Variants in COMMD10 observed in about 807,000 individuals in gnomAD.
COMMD10 encodes the protein COMM domain-containing protein 10.
A neutral mutation model predicts 28.9 loss-of-function variants in COMMD10; 33 were observed. The observed-to-expected ratio is 1.14, with a 90% CI of 0.87 to 1.53. The LOEUF (loss-of-function observed/expected upper bound fraction) is 1.53. Among genes scored for constraint, COMMD10 ranks in the 40% most tolerant of loss-of-function variants. The pLI, the probability that COMMD10 is intolerant of heterozygous loss-of-function variation, is 0.00. For synonymous variants in COMMD10, 110 were observed against 81.7 expected (o/e 1.35, Z -1.87); for missense variants, 310 against 233.4 (o/e 1.33, Z -2.14).
chr5:116,220,814 T>A (rs767780054), intron 5 of COMMD10, among the ~76,000 whole-genome samples: 1 of 152,140 alleles, frequency 6.6e-6, no homozygotes, highest in Non-Finnish European at 1.5e-5. Context: ...AAAAAATTAT[T>A]TTAAAGGGAC....
At chr5:116,134,230 A>C in intron 5 of COMMD10, 52 bp downstream of exon 5, 1 of 1,027,318 alleles carries the variant, frequency 9.7e-7, no homozygotes. Flanking sequence ...TAGGACTTAA[A>C]CTTTTTATTC....
chr5:116,094,412 A>T (rs1042441775), intron 4 of COMMD10, among the ~76,000 whole-genome samples: 2 of 152,246 alleles, frequency 1.3e-5, no homozygotes, highest in African/African-American at 4.8e-5. Flanking sequence ...AGGTATATGA[A>T]AAAATGCTTA....
At chr5:116,132,188 G>A (rs945862401) in intron 4 of COMMD10, among the ~76,000 whole-genome samples, 2 of 152,026 alleles carry the variant, frequency 1.3e-5, no homozygotes, top group African/African-American at 4.8e-5. Flanking sequence ...ATATTTAGAA[G>A]ATACTGTAGA....
intron 5 of COMMD10, among the ~76,000 whole-genome samples, chr5:116,187,300 C>T (rs1165949988): frequency 6.6e-6 from 1 of 152,034 alleles, no homozygotes; most frequent in Non-Finnish European, 1.5e-5. Flanking sequence ...AATTAATGAA[C>T]ATACAAATGA....
rs558210766 is a variant in COMMD10 at position 116,094,380 on chromosome 5, A to G, written c.399+1680A>G. Among the ~76,000 whole-genome samples the G allele has an allele frequency of 2.6e-5, 4 of 152,336 alleles. No homozygotes were observed. In the South Asian group the frequency reaches 8.3e-4, roughly 32 times the overall value. On this transcript the variant is annotated intron_variant, in intron 4 of 6. Transcript: ENST00000274458. Reference sequence around the variant, plus strand: ...AGGATCTAAACAAATGCTTCTTGAAAGACGATATATAAATGGCTAACAGGT... The same window carrying G: ...AGGATCTAAACAAATGCTTCTTGAAGGACGATATATAAATGGCTAACAGGT...
intron 4 of COMMD10, among the ~76,000 whole-genome samples, chr5:116,107,179 A>G (rs955660969): frequency 6.6e-6 from 1 of 151,950 alleles, no homozygotes; most frequent in African/African-American, 2.4e-5. Context: ...CTCGAGGAGT[A>G]TCTTTGCGGT....
At chr5:116,092,495 T>G (rs769156596) in intron 3 of COMMD10, 50 bp from the exon 4 acceptor site, 1 of 1,344,052 alleles carries the variant, frequency 7.4e-7, no homozygotes, top group Non-Finnish European at 1.0e-6. Flanking sequence ...AGTTTAAAGT[T>G]TCAGTATGAA....
chr5:116,164,919 C>G (rs1357226722), intron 5 of COMMD10, among the ~76,000 whole-genome samples: 2 of 152,072 alleles, frequency 1.3e-5, no homozygotes, highest in Non-Finnish European at 2.9e-5. Context: ...TGTCTGAAGT[C>G]CTTGCAGACT....
intron 5 of COMMD10, among the ~76,000 whole-genome samples, chr5:116,195,142 A>G (rs187054077): frequency 9.9e-5 from 15 of 152,204 alleles, no homozygotes; most frequent in African/African-American, 3.4e-4. Context: ...TCTCAACAAA[A>G]TCGGCATACA....
At chr5:116,194,147 C>T (rs1266250941) in intron 5 of COMMD10, among the ~76,000 whole-genome samples, 1 of 152,008 alleles carries the variant, frequency 6.6e-6, no homozygotes, top group Non-Finnish European at 1.5e-5. Context: ...CCTACCAAAA[C>T]CTCTGGGATA....
At chr5:116,263,400 C>A (rs1057144094) in intron 5 of COMMD10, among the ~76,000 whole-genome samples, 2 of 151,684 alleles carry the variant, frequency 1.3e-5, no homozygotes, top group Non-Finnish European at 2.9e-5. Flanking sequence ...ATATTTAACC[C>A]CAAAATATAT....
At chr5:116,125,248 G>C (rs1279239372) in intron 4 of COMMD10, among the ~76,000 whole-genome samples, 2 of 152,096 alleles carry the variant, frequency 1.3e-5, no homozygotes, top group Non-Finnish European at 2.9e-5. Context: ...AGGCAGGCCT[G>C]GTAGTGACAA....
intron 4 of COMMD10, among the ~76,000 whole-genome samples, chr5:116,128,653 G>C (rs1204337251): frequency 6.6e-6 from 1 of 151,886 alleles, no homozygotes; most frequent in Non-Finnish European, 1.5e-5. Flanking sequence ...TTTCATCTTT[G>C]TATAGTAACT....
intron 4 of COMMD10, among the ~76,000 whole-genome samples, chr5:116,098,697 C>G (rs1315364742): frequency 6.6e-6 from 1 of 152,062 alleles, no homozygotes; most frequent in African/African-American, 2.4e-5. Context: ...GGAACCAGCC[C>G]TCGCTAGATA....
intron 5 of COMMD10, among the ~76,000 whole-genome samples, chr5:116,239,539 T>C (rs1749760534): frequency 6.6e-6 from 1 of 152,030 alleles, no homozygotes; most frequent in South Asian, 2.1e-4. Context: ...GAAAATAAAA[T>C]CTGACTCTTG....
chr5:116,176,046 C>T (rs1034556537), intron 5 of COMMD10, among the ~76,000 whole-genome samples: 9 of 131,672 alleles, frequency 6.8e-5, no homozygotes, highest in African/African-American at 3.1e-4. Flanking sequence ...TATTTTACCA[C>T]AATTTAGAAA....
chr5:116,106,740 C>T (rs1164060162), intron 4 of COMMD10, among the ~76,000 whole-genome samples: 6 of 151,628 alleles, frequency 4.0e-5, no homozygotes, highest in Admixed American at 3.3e-4. Context: ...ATGTAATGCC[C>T]TTGTCTCTTT....
chr5:116,174,813 A>G (rs988555710), intron 5 of COMMD10, among the ~76,000 whole-genome samples: 1 of 152,190 alleles, frequency 6.6e-6, no homozygotes, highest in African/African-American at 2.4e-5. Flanking sequence ...TTTTAATCAA[A>G]GCTAACAGTT....
intron 3 of COMMD10, among the ~76,000 whole-genome samples, chr5:116,092,015 A>G (rs1453557124): frequency 6.6e-6 from 1 of 152,210 alleles, no homozygotes; most frequent in East Asian, 1.9e-4. Context: ...GAAGAAAAGG[A>G]TCATTGAGTA....
Sources: gnomAD v4.1 joint callset for allele counts (sites outside exome capture counted in the v4.1 genomes callset) on GRCh38, gnomAD v4.1.1 for gene constraint, MANE v1.5 for transcripts, NCBI Gene and HGNC (gene_info 2026-07-23, HGNC 2026-07-21) for gene names.